ADGRL2: variants seen among roughly 807,000 people sequenced by gnomAD.
ADGRL2 encodes the protein adhesion G protein-coupled receptor L2.
ADGRL2 carries 44 observed loss-of-function variants against 157.4 expected under a neutral mutation model. The ratio of observed to expected loss-of-function variants is 0.28; its 90% CI spans 0.22 to 0.36. The LOEUF is 0.36. ADGRL2 is among the 10% of genes least tolerant of loss of function. The probability of loss-of-function intolerance (pLI) is 1.00; values close to 1 mark genes in which losing one functional copy is unlikely to be tolerated. For synonymous variants in ADGRL2, 585 were observed against 624.7 expected (o/e 0.94, Z 0.95); for missense variants, 1,510 against 1,768.9 (o/e 0.85, Z 2.63).
chr1:81,868,041 G>T (rs1334822309), intron 2 of ADGRL2, among the ~76,000 whole-genome samples: 2 of 146,646 alleles, frequency 1.4e-5, no homozygotes, highest in Non-Finnish European at 3.0e-5. Flanking sequence ...CTCCACTTTG[G>T]GCAAGGCTGT....
intron 3 of ADGRL2, among the ~76,000 whole-genome samples, chr1:81,642,568 C>A (rs993107001): frequency 8.6e-5 from 13 of 151,884 alleles, no homozygotes; most frequent in Admixed American, 2.0e-4. Context: ...CTGAAAGCAC[C>A]AGGCTCAGAT....
intron 2 of ADGRL2, among the ~76,000 whole-genome samples, chr1:81,542,827 A>G (rs1392539599): frequency 2.0e-5 from 3 of 152,194 alleles, no homozygotes; most frequent in Non-Finnish European, 4.4e-5. Context: ...ATTTTACAAT[A>G]GTTATTTCTC....
At chr1:81,485,153 G>T (rs915850032) in intron 2 of ADGRL2, among the ~76,000 whole-genome samples, 1 of 125,104 alleles carries the variant, frequency 8.0e-6, no homozygotes, top group Non-Finnish European at 1.8e-5. Context: ...GAATTGAAAA[G>T]AAAAAATATG....
Position 81,337,269 on chromosome 1 carries a change from G to T in ADGRL2, c.-302+30760G>T, listed in dbSNP as rs111378776. ...GCTGTCACACTGAGCTGTTAAACGC[G>T]TAAGACATTCACGGATGACAAAGCT... On this transcript the variant is annotated intron_variant, in intron 1 of 24. Transcript: ENST00000370721. 2.0e-4 allele frequency among the ~76,000 whole-genome samples: 30 copies of T among 152,296 alleles called. 1 individual carries two copies. Among genetic ancestry groups the T allele is most frequent in the African/African-American group, 6.7e-4 (28 of 41,564 alleles).
intron 1 of ADGRL2, among the ~76,000 whole-genome samples, chr1:81,826,606 C>T (rs1005996104): frequency 1.3e-5 from 2 of 152,282 alleles, no homozygotes; most frequent in Middle Eastern, 3.4e-3. Context: ...GTTGGCCCTT[C>T]GCCTTAACCT....
intron 5 of ADGRL2, chr1:81,942,699 A>G (rs72719405): frequency 0.018 from 8,310 of 462,390 alleles, 98 homozygotes; most frequent in Non-Finnish European, 0.026. Context: ...AAACATAGCA[A>G]AAATTTAAAT....
intron 1 of ADGRL2, among the ~76,000 whole-genome samples, chr1:81,424,622 G>T (rs1280857632): frequency 6.6e-6 from 1 of 152,180 alleles, no homozygotes; most frequent in Non-Finnish European, 1.5e-5. Context: ...AAATATCAAT[G>T]AGGTTAAGCC....
chr1:81,449,421 C>T (rs1411038201), intron 2 of ADGRL2, among the ~76,000 whole-genome samples: 3 of 152,180 alleles, frequency 2.0e-5, no homozygotes, highest in African/African-American at 7.2e-5. Context: ...AGAAGTCTTT[C>T]ACTCTTGCAC....
chr1:81,837,959 G>C (rs2092366538), intron 2 of ADGRL2, among the ~76,000 whole-genome samples: 1 of 151,888 alleles, frequency 6.6e-6, no homozygotes, highest in Non-Finnish European at 1.5e-5. Context: ...TAAAATCTCT[G>C]AGAAATGCAT....
chr1:81,763,261 T>G (rs2085964632), intron 2 of ADGRL2, among the ~76,000 whole-genome samples: 1 of 151,852 alleles, frequency 6.6e-6, no homozygotes, highest in Admixed American at 6.6e-5. Flanking sequence ...TGGGAAATAC[T>G]TCTTTGTGCC....
At chr1:81,310,600 C>T (rs1232017348) in intron 1 of ADGRL2, among the ~76,000 whole-genome samples, 1 of 152,042 alleles carries the variant, frequency 6.6e-6, no homozygotes, top group African/African-American at 2.4e-5. Flanking sequence ...GATGGACTGC[C>T]CTGTATATCC....
Position 81,990,903 on chromosome 1 carries a change from G to C in ADGRL2, c.4168G>C (p.Asp1390His), listed in dbSNP as rs760499936. 6.2e-7 allele frequency: 1 copy of C among 1,613,784 alleles called. No individual in the cohort carries two copies. Among genetic ancestry groups the C allele is most frequent in the African/African-American group, 1.3e-5 (1 of 74,892 alleles). ...TTATACAAGCATGCCCAATCTTAGA[G>C]ACTCTCCCTATCCGGAGAGCAGCCC... ...SLYTSMPNLR[D>H]SPYPESSPDM... The change falls in exon 24 of 24, where the codon GAC becomes CAC. Residue 1390 changes from aspartate to histidine, a missense_variant. This residue lies in a region of ADGRL2 where 327 missense variants were observed against 310.1 expected (regional missense o/e 1.05). Transcript: ENST00000686636.
At chr1:81,574,233 G>A (rs1460310288) in intron 2 of ADGRL2, among the ~76,000 whole-genome samples, 1 of 151,698 alleles carries the variant, frequency 6.6e-6, no homozygotes, top group East Asian at 1.9e-4. Flanking sequence ...GTGGGGGAGG[G>A]GGAGGGGGAG....
At chr1:81,394,089 A>C (rs10782757) in intron 1 of ADGRL2, among the ~76,000 whole-genome samples, 1 of 151,572 alleles carries the variant, frequency 6.6e-6, no homozygotes, top group African/African-American at 2.4e-5. Flanking sequence ...GCCTGTTTTT[A>C]AAAAAAATGC....
chr1:81,431,800 G>C (rs1421408453), intron 1 of ADGRL2, among the ~76,000 whole-genome samples: 1 of 152,192 alleles, frequency 6.6e-6, no homozygotes, highest in African/African-American at 2.4e-5. Flanking sequence ...ACTTCCCACA[G>C]AATCTGACAG....
At position 81,471,838 on chromosome 1, in the gene ADGRL2, A is replaced by C. The variant is rs1257693709; in HGVS notation, c.-248+26749A>C. 2.0e-5 allele frequency among the ~76,000 whole-genome samples: 3 copies of C among 152,234 alleles called. No individual in the cohort carries two copies. In the East Asian group the frequency reaches 5.8e-4, roughly 29 times the overall value. ...TATCTTACCTTCTCATAGTTATGAC[A>C]GTAATTCAGAGAGAAGAAATAACCT... On this transcript the variant is annotated intron_variant, in intron 2 of 24. Transcript: ENST00000370721.
intron 2 of ADGRL2, among the ~76,000 whole-genome samples, chr1:81,477,482 A>G (rs2078296541): frequency 1.3e-5 from 2 of 152,248 alleles, no homozygotes; most frequent in Non-Finnish European, 2.9e-5. Context: ...TAAGAGACAC[A>G]GCAAAGAAAC....
At chr1:81,349,970 T>A (rs918440647) in intron 1 of ADGRL2, among the ~76,000 whole-genome samples, 2 of 151,592 alleles carry the variant, frequency 1.3e-5, no homozygotes, top group African/African-American at 4.8e-5. Context: ...TCTTTTATCA[T>A]TTTTTTTCCC....
At chr1:81,319,842 G>A (rs1660387166) in intron 1 of ADGRL2, among the ~76,000 whole-genome samples, 1 of 152,208 alleles carries the variant, frequency 6.6e-6, no homozygotes, top group African/African-American at 2.4e-5. Context: ...GTTGGTGGCT[G>A]CTGACTTATC....
Sources: allele counts gnomAD v4.1 joint callset (sites outside exome capture counted in the v4.1 genomes callset), GRCh38; gene constraint gnomAD v4.1.1; regional missense constraint gnomAD v4.1.1; transcripts MANE v1.5; gene names NCBI Gene and HGNC (gene_info 2026-07-23, HGNC 2026-07-21).